The following SSR1 variants were observed in gnomAD, a reference collection of about 807,000 sequenced individuals.
SSR1 encodes the protein signal sequence receptor subunit 1.
A neutral mutation model predicts 36.1 loss-of-function variants in SSR1; 13 were observed. The observed-to-expected ratio is 0.36, with a 90% CI of 0.23 to 0.57. SSR1 has a LOEUF of 0.57. Ranked by LOEUF, SSR1 falls within the 20% of genes least tolerant of loss-of-function variation. SSR1 has a pLI of 0.81. For synonymous variants in SSR1, 113 were observed against 118.9 expected, an observed-to-expected ratio of 0.95 and a Z score of 0.32; for missense variants, 291 against 338.5, an observed-to-expected ratio of 0.86 and a Z score of 1.10.
At position 7,289,515 on chromosome 6, in the gene SSR1, GA is replaced by G. The variant is rs5874088; in HGVS notation, c.*348del. 8.5e-6 allele frequency: 2 copies of G among 236,030 alleles called. No individual in the cohort carries two copies. Among genetic ancestry groups the G allele is most frequent in the Non-Finnish European group, 8.1e-6 (1 of 123,296 alleles). 14.6% of individuals were successfully genotyped at this position (236,030 alleles called of 1,614,324 possible). ...GGTAAATATTAACTGAGTTTTGGGGGAAAAAATCAGAAAATGTCAAAAAGGA... is the reference window on the plus strand; with the variant it reads ...GGTAAATATTAACTGAGTTTTGGGGGAAAAATCAGAAAATGTCAAAAAGGA... On this transcript the variant is annotated 3_prime_UTR_variant, in exon 8 of 8. Coordinates refer to ENST00000244763, the MANE Select transcript of SSR1 (RefSeq NM_003144.5).
chr6:7,290,570 TGG>T (rs1472811722), intron 7 of SSR1, among the ~76,000 whole-genome samples: 3 of 152,208 alleles, frequency 2.0e-5, no homozygotes, highest in Non-Finnish European at 4.4e-5. Flanking sequence ...TCTTACTTTC[TGG>T]GGGGTACTTT....
At chr6:7,295,516 A>C (rs745346081) in intron 6 of SSR1, 31 bp from the exon 7 acceptor site, 80 of 1,471,186 alleles carry the variant, frequency 5.4e-5, no homozygotes, top group Middle Eastern at 3.5e-4. Context: ...ATTTTAAAGG[A>C]GTTCCGTTAC....
rs576095370 is a variant in SSR1, at chr6:7,308,065, G to A, written c.192+1852C>T. On this transcript the variant is annotated intron_variant, in intron 2 of 7. Coordinates refer to ENST00000244763, the MANE Select transcript of SSR1 (RefSeq NM_003144.5). Reference sequence around the variant, plus strand: ...TTATTAACAACAATGCAGCAGAAATGTATTAATCTAGTTAAAGCTATTCAC... The same window carrying A: ...TTATTAACAACAATGCAGCAGAAATATATTAATCTAGTTAAAGCTATTCAC... Among the ~76,000 whole-genome samples the A allele has an allele frequency of 1.6e-4, 24 of 152,272 alleles. No homozygotes were observed. In the East Asian group the frequency reaches 3.9e-3, roughly 24 times the overall value.
intron 2 of SSR1, among the ~76,000 whole-genome samples, chr6:7,304,885 A>G (rs1018003546): frequency 3.9e-5 from 6 of 152,226 alleles, no homozygotes; most frequent in African/African-American, 1.4e-4. Context: ...ATTATCTCAT[A>G]ATTTTAAAAT....
chr6:7,304,455 A>C (rs1278236613), intron 2 of SSR1, among the ~76,000 whole-genome samples: 1 of 152,110 alleles, frequency 6.6e-6, no homozygotes, highest in African/African-American at 2.4e-5. Context: ...CAGCCTACAG[A>C]GATTTCCATT....
At chr6:7,302,135 C>A (rs1028542177) in intron 3 of SSR1, among the ~76,000 whole-genome samples, 1 of 152,210 alleles carries the variant, frequency 6.6e-6, no homozygotes, top group African/African-American at 2.4e-5. Flanking sequence ...ATACTTCCTA[C>A]AGGCATAAAG....
In SSR1 at chr6:7,303,588, G is replaced by A. The variant is rs750717946; in HGVS notation, c.242C>T (p.Pro81Leu). The A allele has an allele frequency of 5.0e-6, 8 of 1,612,934 alleles. No homozygotes were observed. The highest frequency in any genetic ancestry group is 5.1e-6 in the Non-Finnish European group (6 of 1,179,572). ...EDVSGEPEAS[P>L]SADTTILFVK... ...AAACAGTATAGTTGTATCTGCACTC[G>A]GTGAAGCTTCAGGTTCACCAGACAC... The change falls in exon 3 of 8, where the codon CCG becomes CTG. Residue 81 changes from proline to leucine, a missense_variant. Physicochemically the swap from Pro to Leu is moderately conservative, Grantham distance 98. Coordinates refer to ENST00000244763, the MANE Select transcript of SSR1 (RefSeq NM_003144.5).
At chr6:7,311,328 ATC>A (rs1758191312) in intron 1 of SSR1, among the ~76,000 whole-genome samples, 1 of 152,220 alleles carries the variant, frequency 6.6e-6, no homozygotes, top group Admixed American at 6.5e-5. Flanking sequence ...GTCTTCCAAC[ATC>A]TCTCAGAAAA....
rs919229570 is a variant in SSR1, at chr6:7,283,904, G to A, written c.*5960C>T. The A allele has an allele frequency of 1.3e-5, 2 of 152,234 alleles. No individual in the cohort carries two copies. The highest frequency in any genetic ancestry group is 2.4e-5 in the African/African-American group (1 of 41,446). 9.4% of individuals were successfully genotyped at this position (152,234 alleles called of 1,614,324 possible). ...CCAAACGTGAGGAGTGAGTGCCTCT[G>A]TGCTCCTTGAGGCTGTTTCATTACA... On this transcript the variant is annotated 3_prime_UTR_variant, in exon 8 of 8. Coordinates refer to ENST00000244763, the MANE Select transcript of SSR1 (RefSeq NM_003144.5).
chr6:7,306,702 G>T (rs916791848), intron 2 of SSR1, among the ~76,000 whole-genome samples: 1 of 151,396 alleles, frequency 6.6e-6, no homozygotes, highest in South Asian at 2.1e-4. Context: ...GGATCACGAG[G>T]TCAGGAGATC....
At chr6:7,304,021 C>T (rs1757997780) in intron 2 of SSR1, among the ~76,000 whole-genome samples, 1 of 152,226 alleles carries the variant, frequency 6.6e-6, no homozygotes, top group Non-Finnish European at 1.5e-5. Context: ...TTCTCTACAG[C>T]TTTGCTGGGA....
chr6:7,306,319 A>G (rs990129314), intron 2 of SSR1, among the ~76,000 whole-genome samples: 4 of 151,482 alleles, frequency 2.6e-5, no homozygotes, highest in Non-Finnish European at 5.9e-5. Context: ...ATTTTTTTGT[A>G]TTTTTAGTAG....
intron 2 of SSR1, among the ~76,000 whole-genome samples, chr6:7,307,059 G>C (rs1028305629): frequency 6.6e-6 from 1 of 151,930 alleles, no homozygotes; most frequent in African/African-American, 2.4e-5. Flanking sequence ...TCCTTCACTT[G>C]ACTCCAGGAC....
At chr6:7,290,835 ATC>A (rs1757664994) in intron 7 of SSR1, among the ~76,000 whole-genome samples, 1 of 152,146 alleles carries the variant, frequency 6.6e-6, no homozygotes, top group South Asian at 2.1e-4. Flanking sequence ...TGTTCAAAAG[ATC>A]TCTCACCCCC....
At chr6:7,307,019 A>G (rs930774873) in intron 2 of SSR1, among the ~76,000 whole-genome samples, 3 of 151,754 alleles carry the variant, frequency 2.0e-5, no homozygotes, top group African/African-American at 7.3e-5. Context: ...CCAGCTGTTG[A>G]TATCTTAGAT....
chr6:7,289,756 G>T lies in SSR1; in HGVS notation c.*108C>A. ...CTCTGATTGCTCAGTCCACACACAA[G>T]TAGGAGTTGCCTTCTATGGTGACAT... On this transcript the variant is annotated 3_prime_UTR_variant, in exon 8 of 8. Coordinates refer to ENST00000244763, the MANE Select transcript of SSR1 (RefSeq NM_003144.5). The T allele has an allele frequency of 1.1e-6, 1 of 917,154 alleles. No homozygotes were observed. The highest frequency in any genetic ancestry group is 1.7e-6 in the Non-Finnish European group (1 of 604,224). 56.8% of individuals were successfully genotyped at this position (917,154 alleles called of 1,614,324 possible).
intron 2 of SSR1, among the ~76,000 whole-genome samples, chr6:7,308,738 A>C (rs1239427457): frequency 7.9e-6 from 1 of 126,766 alleles, no homozygotes; most frequent in African/African-American, 3.2e-5. Context: ...TAAAACACAT[A>C]TAACTGCCCC....
intron 2 of SSR1, 40 bp from the exon 3 acceptor site, chr6:7,303,677 A>G (rs752490734): frequency 2.8e-6 from 4 of 1,407,168 alleles, no homozygotes; most frequent in Non-Finnish European, 3.0e-6. Flanking sequence ...ACTATGGGAG[A>G]AAAAAAAATC....
intron 4 of SSR1, 72 bp from the exon 5 acceptor site, chr6:7,298,895 A>T: frequency 8.2e-7 from 1 of 1,214,668 alleles, no homozygotes; most frequent in South Asian, 1.2e-5. Flanking sequence ...ACATTACTTA[A>T]AACAGTTACT....
Sources: allele counts gnomAD v4.1 joint callset (sites outside exome capture counted in the v4.1 genomes callset), GRCh38; gene constraint gnomAD v4.1.1; transcripts MANE v1.5; gene names NCBI Gene and HGNC (gene_info 2026-07-23, HGNC 2026-07-21).